Variants in GPC6 observed in about 807,000 individuals in gnomAD.
GPC6 encodes the protein glypican-6.
GPC6 carries 14 observed loss-of-function variants against 55.2 expected under a neutral mutation model. The observed-to-expected ratio is 0.25, with a 90% CI of 0.17 to 0.40. GPC6 has a LOEUF of 0.40. GPC6 is among the 10% of genes least tolerant of loss of function. The pLI is 1.00. For synonymous variants in GPC6, 278 were observed against 259.6 expected (o/e 1.07, Z -0.68); for missense variants, 641 against 708.5 (o/e 0.90, Z 1.08).
intron 1 of GPC6, among the ~76,000 whole-genome samples, chr13:93,231,976 A>G (rs1013276094): frequency 4.6e-5 from 7 of 152,194 alleles, no homozygotes; most frequent in Non-Finnish European, 7.4e-5. Flanking sequence ...GCTTGTTTCA[A>G]AATACATAAT....
At chr13:93,375,964 G>T (rs1358692964) in intron 1 of GPC6, among the ~76,000 whole-genome samples, 3 of 151,686 alleles carry the variant, frequency 2.0e-5, no homozygotes, top group African/African-American at 7.3e-5. Flanking sequence ...GAACTTTAAA[G>T]ATTTGTTTGC....
chr13:93,490,499 CTTTTTTTTTTTTGAG>C (rs1384981953), intron 1 of GPC6, among the ~76,000 whole-genome samples: 53 of 18,328 alleles, frequency 2.9e-3, no homozygotes, highest in African/African-American at 9.5e-3. Context: ...ATTTTTTTTT[CTTTTTTTTTTTTGAG>C]TTTTTTTTTT....
In GPC6 at chr13:93,766,943, T is replaced by A. The variant is rs1425441205; in HGVS notation, c.320-63211T>A. 2.0e-5 allele frequency among the ~76,000 whole-genome samples: 3 copies of A among 152,228 alleles called. No individual in the cohort carries two copies. In the East Asian group the frequency reaches 5.8e-4, roughly 29 times the overall value. ...AGCTGAGTGGACATTCCTAATGGATTAAAAAACAAAACACAGTGCTTTAAA... is the reference window on the plus strand; with the variant it reads ...AGCTGAGTGGACATTCCTAATGGATAAAAAAACAAAACACAGTGCTTTAAA... On this transcript the variant is annotated intron_variant, in intron 2 of 8. Coordinates refer to ENST00000377047, the MANE Select transcript of GPC6 (RefSeq NM_005708.5).
chr13:94,174,005 T>G (rs1018204180), intron 4 of GPC6, among the ~76,000 whole-genome samples: 1 of 152,216 alleles, frequency 6.6e-6, no homozygotes, highest in African/African-American at 2.4e-5. Flanking sequence ...TCCATTGATA[T>G]CTTCTTATTA....
At chr13:93,889,113 A>C (rs1031291921) in intron 3 of GPC6, among the ~76,000 whole-genome samples, 4 of 152,122 alleles carry the variant, frequency 2.6e-5, no homozygotes, top group African/African-American at 9.7e-5. Flanking sequence ...ATTTTAAAAT[A>C]TATGGTTGAT....
chr13:93,358,710 A>G (rs962930342), intron 1 of GPC6, among the ~76,000 whole-genome samples: 2 of 152,220 alleles, frequency 1.3e-5, no homozygotes, highest in African/African-American at 4.8e-5. Flanking sequence ...ATTTTGGAAG[A>G]TGATTTTTTT....
chr13:93,343,760 C>G (rs1227762571), intron 1 of GPC6, among the ~76,000 whole-genome samples: 1 of 152,142 alleles, frequency 6.6e-6, no homozygotes, highest in African/African-American at 2.4e-5. Context: ...TTAACACATC[C>G]TTATTTTCTA....
chr13:93,526,311 A>C (rs940097891), intron 1 of GPC6, among the ~76,000 whole-genome samples: 1 of 152,094 alleles, frequency 6.6e-6, no homozygotes, highest in Non-Finnish European at 1.5e-5. Context: ...AATGAATGTC[A>C]ACTAAGGTGA....
intron 1 of GPC6, among the ~76,000 whole-genome samples, chr13:93,473,161 G>T (rs1252329148): frequency 1.3e-5 from 2 of 152,176 alleles, no homozygotes; most frequent in African/African-American, 4.8e-5. Flanking sequence ...TGAAGGTAGG[G>T]CCTCACCAGG....
intron 2 of GPC6, among the ~76,000 whole-genome samples, chr13:93,809,656 C>T (rs1263150424): frequency 6.6e-6 from 1 of 152,214 alleles, no homozygotes; most frequent in Non-Finnish European, 1.5e-5. Context: ...CCTCTATTGC[C>T]AGTTACAAGC....
intron 4 of GPC6, among the ~76,000 whole-genome samples, chr13:94,241,329 C>G (rs1205261900): frequency 6.6e-6 from 1 of 152,152 alleles, no homozygotes; most frequent in Admixed American, 6.5e-5. Context: ...GACTAAGACA[C>G]TATGGCTTGG....
intron 3 of GPC6, among the ~76,000 whole-genome samples, chr13:93,911,339 T>G (rs1876965506): frequency 6.6e-6 from 1 of 152,050 alleles, no homozygotes; most frequent in Non-Finnish European, 1.5e-5. Flanking sequence ...AGGAAATAGA[T>G]TAAGTCACTG....
At chr13:94,129,613 C>T (rs1039605926) in intron 4 of GPC6, among the ~76,000 whole-genome samples, 1 of 152,146 alleles carries the variant, frequency 6.6e-6, no homozygotes, top group African/African-American at 2.4e-5. Flanking sequence ...CCCATAAGCC[C>T]TAGCAGAGCG....
At chr13:94,252,342 G>A (rs1024636031) in intron 4 of GPC6, among the ~76,000 whole-genome samples, 27 of 152,202 alleles carry the variant, frequency 1.8e-4, no homozygotes, top group African/African-American at 5.5e-4. Flanking sequence ...AAGATTGTTC[G>A]ACGACCAGGT....
chr13:94,049,466 T>C (rs561496754), intron 4 of GPC6, among the ~76,000 whole-genome samples: 42 of 152,190 alleles, frequency 2.8e-4, no homozygotes, highest in African/African-American at 9.6e-4. Flanking sequence ...TGGGACCTGG[T>C]TGAGCAAATA....
chr13:93,977,378 G>T (rs1387949746), intron 3 of GPC6, among the ~76,000 whole-genome samples: 2 of 151,604 alleles, frequency 1.3e-5, no homozygotes, highest in East Asian at 3.9e-4. Flanking sequence ...AATTATCATT[G>T]CATTTATGCT....
intron 5 of GPC6, among the ~76,000 whole-genome samples, chr13:94,297,762 A>C (rs1169321207): frequency 1.3e-5 from 2 of 152,156 alleles, no homozygotes; most frequent in Admixed American, 1.3e-4. Context: ...CAAAACTAAA[A>C]CTGATGGCTT....
intron 1 of GPC6, among the ~76,000 whole-genome samples, chr13:93,447,650 T>C (rs1878057330): frequency 6.6e-6 from 1 of 152,200 alleles, no homozygotes. Context: ...AAGTCTTTAG[T>C]TCATATACAT....
chr13:93,358,699 A>AC (rs1157455042), intron 1 of GPC6, among the ~76,000 whole-genome samples: 1 of 152,154 alleles, frequency 6.6e-6, no homozygotes, highest in Non-Finnish European at 1.5e-5. Context: ...CAAAAGAAAA[A>AC]ATTTTGGAAG....
Sources: gnomAD v4.1 joint callset for allele counts (sites outside exome capture counted in the v4.1 genomes callset) on GRCh38, gnomAD v4.1.1 for gene constraint, MANE v1.5 for transcripts, NCBI Gene and HGNC (gene_info 2026-07-23, HGNC 2026-07-21) for gene names.